The following RFX7 variants were observed in gnomAD, a reference collection of about 807,000 sequenced individuals.
RFX7 encodes the protein regulatory factor X7, also known as DNA-binding protein RFX7.
RFX7 carries 26 observed loss-of-function variants against 111.8 expected under a neutral mutation model. That is an observed-to-expected ratio of 0.23 (90% CI 0.17 to 0.32). The LOEUF is 0.32. RFX7 is among the 10% of genes least tolerant of loss of function. The probability of loss-of-function intolerance (pLI) is 1.00; values close to 1 mark genes in which losing one functional copy is unlikely to be tolerated. For missense variants in RFX7, 1,573 were observed against 1,772.9 expected (o/e 0.89, Z 2.02); for synonymous variants, 624 against 624.4 (o/e 1.00, Z 0.01).
At position 56,095,450 on chromosome 15, in the gene RFX7, G is replaced by A. The variant is rs1205818657; in HGVS notation, c.2278C>T (p.Leu760Phe). 2 of 1,612,358 alleles carry A rather than the reference G, an allele frequency of 1.2e-6. No individual in the cohort carries two copies. The highest frequency in any genetic ancestry group is 1.7e-6 in the Non-Finnish European group (2 of 1,179,854). ...TCCAAGAGAAAGACACTTCCTTCAA[G>A]TTTTACTTTTATATCTGGAGATGAT... ...PSSSPDIKVKLEGSVFLLDSD... is the reference protein window; with the variant it reads ...PSSSPDIKVKFEGSVFLLDSD... The change falls in exon 10 of 10, where the codon CTT becomes TTT. Residue 760 changes from leucine (L) to phenylalanine (F), a missense_variant. Physicochemically the swap from Leu to Phe is conservative, Grantham distance 22. Transcript: ENST00000559447.
intron 2 of RFX7, among the ~76,000 whole-genome samples, chr15:56,197,712 A>G (rs2043158435): frequency 6.6e-6 from 1 of 152,116 alleles, no homozygotes; most frequent in Non-Finnish European, 1.5e-5. Context: ...TAGGGATAGG[A>G]GTGTGGAAAA....
At chr15:56,160,116 G>A (rs765347908) in intron 3 of RFX7, among the ~76,000 whole-genome samples, 3 of 152,104 alleles carry the variant, frequency 2.0e-5, no homozygotes, top group Non-Finnish European at 4.4e-5. Context: ...CTTATAAAGA[G>A]CATAACAATT....
intron 2 of RFX7, among the ~76,000 whole-genome samples, chr15:56,182,967 T>C (rs1243830941): frequency 2.0e-5 from 3 of 152,162 alleles, no homozygotes; most frequent in Non-Finnish European, 4.4e-5. Flanking sequence ...ATATGATAGT[T>C]CCTATTTTCT....
chr15:56,097,063 A>T (rs1361389584), intron 9 of RFX7, among the ~76,000 whole-genome samples: 1 of 152,256 alleles, frequency 6.6e-6, no homozygotes, highest in South Asian at 2.1e-4. Context: ...CACTGCAAAT[A>T]AGATACAACT....
intron 3 of RFX7, among the ~76,000 whole-genome samples, chr15:56,152,251 T>C (rs184474322): frequency 1.1e-4 from 17 of 152,312 alleles, no homozygotes; most frequent in African/African-American, 3.6e-4. Context: ...AGAGTATACA[T>C]TCTTCTCAGC....
intron 3 of RFX7, among the ~76,000 whole-genome samples, chr15:56,153,820 G>T (rs527569168): frequency 2.2e-4 from 34 of 152,188 alleles, no homozygotes; most frequent in Non-Finnish European, 3.4e-4. Context: ...AAGCATAAAG[G>T]GTATTCAAAT....
intron 2 of RFX7, among the ~76,000 whole-genome samples, chr15:56,217,976 C>A (rs555093282): frequency 2.4e-3 from 360 of 151,946 alleles, no homozygotes; most frequent in African/African-American, 8.2e-3. Flanking sequence ...ATGGATTCAA[C>A]CAACCACAAA....
intron 5 of RFX7, among the ~76,000 whole-genome samples, chr15:56,124,423 G>GGAA (rs538445685): frequency 9.6e-6 from 1 of 104,456 alleles, no homozygotes. Context: ...CTCAGTCTCC[G>GGAA]AAAAAAAAAA....
At chr15:56,215,203 TGTAA>T (rs1407908146) in intron 2 of RFX7, among the ~76,000 whole-genome samples, 2 of 152,220 alleles carry the variant, frequency 1.3e-5, no homozygotes, top group African/African-American at 2.4e-5. Context: ...ATCAATACAA[TGTAA>T]GTGCTATGTA....
Position 56,095,021 on chromosome 15 carries a change from A to T in RFX7, c.2707T>A (p.Ser903Thr), listed in dbSNP as rs1022766353. 1 of 1,613,852 alleles carries T rather than the reference A, an allele frequency of 6.2e-7. No homozygotes were observed. The highest frequency in any genetic ancestry group is 1.3e-5 in the African/African-American group (1 of 75,004). The change falls in exon 10 of 10, where the codon TCT becomes ACT. Residue 903 changes from serine (S) to threonine (T), a missense_variant. Ser to Thr is a moderately conservative substitution (Grantham distance 58). Transcript: ENST00000559447. Reference protein sequence around the residue: ...LMEQQMSMNNSHSYGNCLGMT... With the variant: ...LMEQQMSMNNTHSYGNCLGMT... The stretch of plus-strand genomic sequence containing the variant: ...CCCAAACAGTTGCCGTAAGAATGAG[A>T]ATTGTTCATTGACATTTGCTGCTCC...
chr15:56,094,182 G>A lies in RFX7; in HGVS notation c.3546C>T (p.Leu1182=). The change falls in exon 10 of 10, where the codon CTC becomes CTT. Residue 1182 remains leucine (L), a synonymous_variant. Coordinates refer to ENST00000559447, the MANE Select transcript of RFX7 (RefSeq NM_022841.7). ...ATCGTGGGATATTAGATACTGGATA[G>A]AGGGTGCTTCCACTAAGATTACGTT... The part of the protein sequence containing the change: ...HRQRNLSGST[L]YPVSNIPRSN... The A allele has an allele frequency of 6.2e-7, 1 of 1,613,978 alleles. No individual in the cohort carries two copies. The highest frequency in any genetic ancestry group is 8.5e-7 in the Non-Finnish European group (1 of 1,179,876).
At chr15:56,102,616 G>T (rs1238641532) in intron 6 of RFX7, among the ~76,000 whole-genome samples, 1 of 152,126 alleles carries the variant, frequency 6.6e-6, no homozygotes. Flanking sequence ...TTCAGCCCAG[G>T]GCTCTGGGAC....
At chr15:56,184,363 T>C (rs1156735928) in intron 2 of RFX7, among the ~76,000 whole-genome samples, 1 of 151,944 alleles carries the variant, frequency 6.6e-6, no homozygotes, top group African/African-American at 2.4e-5. Flanking sequence ...GTAGATTCTC[T>C]TGTAGATAAT....
At chr15:56,239,195 G>A (rs1332336712) in intron 2 of RFX7, among the ~76,000 whole-genome samples, 1 of 152,070 alleles carries the variant, frequency 6.6e-6, no homozygotes, top group Non-Finnish European at 1.5e-5. Context: ...GCATCTTAGG[G>A]ATGTAACCCA....
intron 2 of RFX7, among the ~76,000 whole-genome samples, chr15:56,231,865 T>C (rs779697049): frequency 7.9e-5 from 12 of 152,176 alleles, no homozygotes; most frequent in Middle Eastern, 3.4e-3. Flanking sequence ...ATGGGAGAAA[T>C]TGTTCAAACG....
intron 5 of RFX7, among the ~76,000 whole-genome samples, chr15:56,122,521 T>C (rs1283248013): frequency 6.6e-6 from 1 of 152,158 alleles, no homozygotes; most frequent in Non-Finnish European, 1.5e-5. Flanking sequence ...AGGCTCACTG[T>C]TACCACGACA....
intron 5 of RFX7, among the ~76,000 whole-genome samples, chr15:56,109,357 GC>G (rs1441149616): frequency 3.3e-5 from 5 of 152,266 alleles, no homozygotes; most frequent in African/African-American, 1.2e-4. Context: ...GCTCATTGGT[GC>G]CCAGGCTGGA....
Position 56,172,824 on chromosome 15 carries a change from A to G in RFX7, c.195+6446T>C, listed in dbSNP as rs112449685. 3.9e-3 allele frequency among the ~76,000 whole-genome samples: 593 copies of G among 152,318 alleles called. 4 individuals are homozygous for G. The highest frequency in any genetic ancestry group is 0.014 in the African/African-American group (568 of 41,582). ...AAAAAGAGGGTGTGAAGGGGCCTAT[A>G]TATTTTATTGAATCCTTAAAATAGC... is the stretch of plus-strand genomic sequence containing the variant. On this transcript the variant is annotated intron_variant, in intron 3 of 9. Coordinates refer to ENST00000559447, the MANE Select transcript of RFX7 (RefSeq NM_022841.7).
chr15:56,207,006 T>C (rs2141191211), intron 2 of RFX7, among the ~76,000 whole-genome samples: 1 of 152,250 alleles, frequency 6.6e-6, no homozygotes, highest in South Asian at 2.1e-4. Context: ...AAAGTATGAC[T>C]GGGCTGTATG....
Sources: allele counts gnomAD v4.1 joint callset (sites outside exome capture counted in the v4.1 genomes callset), GRCh38; gene constraint gnomAD v4.1.1; transcripts MANE v1.5; gene names NCBI Gene and HGNC (gene_info 2026-07-23, HGNC 2026-07-21).